Variants in SNED1 observed in about 807,000 individuals in gnomAD.
SNED1 encodes the protein sushi, nidogen and EGF-like domain-containing protein 1.
A neutral mutation model predicts 166.7 loss-of-function variants in SNED1; 81 were observed. The ratio of observed to expected loss-of-function variants is 0.49; its 90% CI spans 0.41 to 0.58. The LOEUF is 0.58. Ranked by LOEUF, SNED1 falls within the 20% of genes least tolerant of loss-of-function variation. The probability of loss-of-function intolerance (pLI) is 0.00; values close to 1 mark genes in which losing one functional copy is unlikely to be tolerated. For synonymous variants in SNED1, 762 were observed against 822.0 expected, an observed-to-expected ratio of 0.93 and a Z score of 1.25; for missense variants, 1,604 against 2,000.2, an observed-to-expected ratio of 0.80 and a Z score of 3.78.
At chr2:241,055,462 T>A (rs1323659638) in intron 16 of SNED1, among the ~76,000 whole-genome samples, 1 of 152,184 alleles carries the variant, frequency 6.6e-6, no homozygotes, top group Non-Finnish European at 1.5e-5. Context: ...AGACAGTGAA[T>A]TTTTTTAAAT....
Position 241,070,103 on chromosome 2 carries a change from T to A in SNED1, c.3491T>A (p.Leu1164Gln). The change falls in exon 24 of 32, where the codon CTG (leucine) becomes CAG (glutamine). Residue 1164 changes from leucine to glutamine, a missense_variant. Physicochemically the swap from Leu to Gln is moderately radical, Grantham distance 113. Coordinates refer to ENST00000310397, the MANE Select transcript of SNED1 (RefSeq NM_001080437.3). ...CTGGCGTCCTACACGGTGCGCGACC[T>A]GCTGCCGGGACGGCGGTACCAGCTC... ...GKLASYTVRD[L>Q]LPGRRYQLSV... 3 of 1,612,934 alleles carry A rather than the reference T, an allele frequency of 1.9e-6. No homozygotes were observed. In the Admixed American group the frequency reaches 5.0e-5, roughly 27 times the overall value.
rs2064258891 is a variant in SNED1, at chr2:241,094,500, CA to C, written c.*2865del. 1 of 443,766 alleles carries C rather than the reference CA, an allele frequency of 2.3e-6. No individual in the cohort carries two copies. Among genetic ancestry groups the C allele is most frequent in the Non-Finnish European group, 4.7e-6 (1 of 213,512 alleles). 27.5% of individuals were successfully genotyped at this position (443,766 alleles called of 1,614,324 possible). On this transcript the variant is annotated 3_prime_UTR_variant, in exon 32 of 32. Coordinates refer to ENST00000310397, the MANE Select transcript of SNED1 (RefSeq NM_001080437.3). The surrounding 1 kb of genome is among the most constrained non-coding windows in gnomAD (Gnocchi z 4.3). ...ACAATTGCATGCAGCTCACACCTAC[CA>C]GGGGTATTCCAGTGCATAGGGGAAA... is the stretch of plus-strand genomic sequence containing the variant.
At chr2:241,084,261 C>T (rs191062433) in intron 29 of SNED1, among the ~76,000 whole-genome samples, 180 of 152,000 alleles carry the variant, frequency 1.2e-3, no homozygotes, top group African/African-American at 3.8e-3. Flanking sequence ...CTCAGCCCCC[C>T]GAGTAGCTGG....
In SNED1 at chr2:241,068,274, A is replaced by G. The variant is rs994947766; in HGVS notation, c.3194+327A>G. On this transcript the variant is annotated intron_variant, in intron 22 of 31. Transcript: ENST00000310397. The surrounding 1 kb of genome is among the most constrained non-coding windows in gnomAD (Gnocchi z 5.3). ...CTTGGCCCCTCAGAGAGCAGCGGCC[A>G]GCGAGGGTAGATGGTAGCAGCCCCG... 6.6e-6 allele frequency among the ~76,000 whole-genome samples: 1 copy of G among 152,036 alleles called. No homozygotes were observed. The highest frequency in any genetic ancestry group is 1.5e-5 in the Non-Finnish European group (1 of 68,006).
chr2:241,011,884 G>A lies in SNED1; in HGVS notation c.213+12834G>A, dbSNP rs557787777. On this transcript the variant is annotated intron_variant, in intron 1 of 31. Coordinates refer to ENST00000310397, the MANE Select transcript of SNED1 (RefSeq NM_001080437.3). ...GCGGTGCTGGCGCTGCCCTGTCCTGGCTGCCCTGTCCTGGCAGGGGACAGG... is the reference window on the plus strand; with the variant it reads ...GCGGTGCTGGCGCTGCCCTGTCCTGACTGCCCTGTCCTGGCAGGGGACAGG... Among the ~76,000 whole-genome samples the A allele has an allele frequency of 1.2e-3, 176 of 152,348 alleles. 2 individuals carry two copies. In the South Asian group the frequency reaches 0.034, roughly 30 times the overall value.
intron 1 of SNED1, among the ~76,000 whole-genome samples, chr2:241,009,815 AGGCGTCCCATGTG>A: frequency 8.0e-6 from 1 of 125,716 alleles, no homozygotes; most frequent in African/African-American, 5.7e-5. Context: ...GTTTCCCCGG[AGGCGTCCCATGTG>A]TGTTTCCCCG....
At chr2:241,065,170 GA>G in intron 20 of SNED1, 128 bp from the exon 21 acceptor site, 1 of 1,003,262 alleles carries the variant, frequency 1.0e-6, no homozygotes, top group Non-Finnish European at 1.5e-6. Context: ...CAGGGACAAA[GA>G]AGGACTCTGC....
chr2:241,057,909 A>G (rs1364499984), intron 16 of SNED1, among the ~76,000 whole-genome samples: 1 of 152,230 alleles, frequency 6.6e-6, no homozygotes, highest in Non-Finnish European at 1.5e-5. Context: ...AAGACTTGTC[A>G]CTATCCAAAA....
At chr2:241,071,467 C>A in intron 24 of SNED1, 109 bp from the exon 25 acceptor site, 1 of 1,316,236 alleles carries the variant, frequency 7.6e-7, no homozygotes, top group Non-Finnish European at 1.0e-6. Context: ...TGCCCCCCTT[C>A]CCTTCTCCAA....
rs75363045 is a variant in SNED1 at position 241,065,186 on chromosome 2, G to A, written c.2714-113G>A. 11,891 of 1,107,758 alleles carry A rather than the reference G, an allele frequency of 0.011. 686 individuals are homozygous for A. The South Asian group carries it at 0.11, about 10-fold the overall frequency. 68.6% of individuals were successfully genotyped at this position (1,107,758 alleles called of 1,614,324 possible). A position where few individuals can be genotyped will look rare whatever the true frequency, so the allele number is the denominator to read the frequency against. ...AGGGACAAAGAAGGACTCTGCCAGC[G>A]ATGGCTGTGTCAGGCCCAAGAGCCA... On this transcript the variant is annotated intron_variant, in intron 20 of 31. Transcript: ENST00000310397.
chr2:241,078,147 G>T (rs1312214219), intron 27 of SNED1, among the ~76,000 whole-genome samples: 1 of 152,078 alleles, frequency 6.6e-6, no homozygotes, highest in East Asian at 1.9e-4. Flanking sequence ...CACTTTGGGA[G>T]GCCGAGGCGG....
In SNED1 at chr2:241,045,463, A is replaced by G. The variant is rs1223944466; in HGVS notation, c.1274-2852A>G. The stretch of plus-strand genomic sequence containing the variant: ...GGCAAAGGGACTGACACATGGATCA[A>G]TGAAACAGGAGAGGAAATTCAGAAT... On this transcript the variant is annotated intron_variant, in intron 8 of 31. Coordinates refer to ENST00000310397, the MANE Select transcript of SNED1 (RefSeq NM_001080437.3). Among the ~76,000 whole-genome samples the G allele has an allele frequency of 1.1e-4, 17 of 152,352 alleles. No homozygotes were observed. In the East Asian group the frequency reaches 1.2e-3, roughly 10 times the overall value.
At chr2:241,065,838 G>A (rs186302435) in intron 21 of SNED1, among the ~76,000 whole-genome samples, 1 of 152,130 alleles carries the variant, frequency 6.6e-6, no homozygotes, top group African/African-American at 2.4e-5. Context: ...CCAAGAGTGG[G>A]AGCAGCACAA....
intron 8 of SNED1, among the ~76,000 whole-genome samples, chr2:241,042,270 G>C (rs902624746): frequency 3.9e-5 from 6 of 152,182 alleles, no homozygotes; most frequent in African/African-American, 1.2e-4. Context: ...ACTTCCTGGA[G>C]CTCAAACAGG....
rs566228962 is a variant in SNED1, at chr2:241,023,229, C to T, written c.214-7055C>T. 3.2e-4 allele frequency among the ~76,000 whole-genome samples: 48 copies of T among 152,180 alleles called. 1 individual carries two copies. The South Asian group carries it at 1.0e-2, about 32-fold the overall frequency. ...AATATGCATGCAATACTATAAATTT[C>T]CATTGAAGTTCTGCTTTCTTCACAT... On this transcript the variant is annotated intron_variant, in intron 1 of 31. Transcript: ENST00000310397.
At chr2:241,034,479 T>C (rs1262369146) in intron 3 of SNED1, 89 bp from the exon 4 acceptor site, 5 of 1,286,700 alleles carry the variant, frequency 3.9e-6, no homozygotes, top group East Asian at 2.6e-5. Context: ...TTGCCGACCC[T>C]GGCAGGAACA....
intron 27 of SNED1, among the ~76,000 whole-genome samples, chr2:241,077,241 C>G (rs2063069801): frequency 6.6e-6 from 1 of 152,134 alleles, no homozygotes; most frequent in Admixed American, 6.6e-5. Context: ...GGCCGGAGCC[C>G]TCGTACCATA....
At chr2:241,043,674 A>G (rs1356196178) in intron 8 of SNED1, among the ~76,000 whole-genome samples, 1 of 152,242 alleles carries the variant, frequency 6.6e-6, no homozygotes, top group Admixed American at 6.5e-5. Flanking sequence ...GCAGAAATAA[A>G]ATAGATGACT....
In SNED1 at chr2:241,037,316, G is replaced by C; in HGVS notation, c.1008G>C (p.Gln336His). The change falls in exon 6 of 32, where the codon CAG becomes CAC. Residue 336 changes from glutamine (Q) to histidine (H), a missense_variant. Coordinates refer to ENST00000310397, the MANE Select transcript of SNED1 (RefSeq NM_001080437.3). Reference protein sequence around the residue: ...CTHGINSFRCQCPAGFGGPTC... With the variant: ...CTHGINSFRCHCPAGFGGPTC... ...ACGGCATCAACAGTTTCCGCTGCCA[G>C]TGCCCGGCTGGCTTTGGGGGACCCA... 6.2e-7 allele frequency: 1 copy of C among 1,610,738 alleles called. No individual in the cohort carries two copies. Among genetic ancestry groups the C allele is most frequent in the Non-Finnish European group, 8.5e-7 (1 of 1,178,936 alleles).
Sources: gnomAD v4.1 joint callset for allele counts (sites outside exome capture counted in the v4.1 genomes callset) on GRCh38, gnomAD v4.1.1 for gene constraint, Gnocchi (gnomAD v3.1) non-coding constraint, MANE v1.5 for transcripts, NCBI Gene and HGNC (gene_info 2026-07-23, HGNC 2026-07-21) for gene names.